The following ST6GALNAC3 variants were observed in gnomAD, a reference collection of about 807,000 sequenced individuals.
ST6GALNAC3 encodes the protein alpha-N-acetylgalactosaminide alpha-2,6-sialyltransferase 3.
Under a neutral mutation model 32.7 loss-of-function variants are expected in ST6GALNAC3, and 25 were observed. The ratio of observed to expected loss-of-function variants is 0.76; its 90% CI spans 0.56 to 1.07. The LOEUF is 1.07. Ranked by LOEUF, ST6GALNAC3 falls within the 50% of genes least tolerant of loss-of-function variation. The probability of loss-of-function intolerance (pLI) is 0.00; values close to 1 mark genes in which losing one functional copy is unlikely to be tolerated. For missense variants in ST6GALNAC3, 355 were observed against 382.4 expected, an observed-to-expected ratio of 0.93 and a Z score of 0.60; for synonymous variants, 129 against 133.1, an observed-to-expected ratio of 0.97 and a Z score of 0.21.
chr1:76,268,074 C>A (rs1464810408), intron 1 of ST6GALNAC3, among the ~76,000 whole-genome samples: 1 of 152,156 alleles, frequency 6.6e-6, no homozygotes, highest in Non-Finnish European at 1.5e-5. Context: ...GTAGTCCTAT[C>A]CCCATGGCTG....
chr1:76,184,519 G>GCA (rs71071992), intron 1 of ST6GALNAC3, among the ~76,000 whole-genome samples: 11,410 of 133,902 alleles, frequency 0.085, 573 homozygotes, highest in South Asian at 0.14. Flanking sequence ...CTCCTGGGCA[G>GCA]CACACACACA....
chr1:76,518,840 G>A (rs1177386703), intron 3 of ST6GALNAC3, among the ~76,000 whole-genome samples: 2 of 152,044 alleles, frequency 1.3e-5, no homozygotes, highest in Non-Finnish European at 2.9e-5. Context: ...CAAGGCGGGC[G>A]GATTACTGGA....
chr1:76,434,206 C>T (rs779766055), intron 3 of ST6GALNAC3, among the ~76,000 whole-genome samples: 1 of 152,136 alleles, frequency 6.6e-6, no homozygotes, highest in Non-Finnish European at 1.5e-5. Context: ...GAATCAAAGA[C>T]AGAGGTAATA....
At chr1:76,393,697 C>A (rs1469281829) in intron 2 of ST6GALNAC3, among the ~76,000 whole-genome samples, 1 of 152,056 alleles carries the variant, frequency 6.6e-6, no homozygotes, top group Non-Finnish European at 1.5e-5. Context: ...ACAATACAAG[C>A]AATAGAAAGG....
At chr1:76,321,709 T>G (rs12136894) in intron 2 of ST6GALNAC3, among the ~76,000 whole-genome samples, 2,139 of 152,322 alleles carry the variant, frequency 0.014, 16 homozygotes, top group Non-Finnish European at 0.022. Context: ...TCTGCTTAGG[T>G]GCATATTGCT....
At chr1:76,485,411 G>A (rs1660042603) in intron 3 of ST6GALNAC3, among the ~76,000 whole-genome samples, 1 of 152,118 alleles carries the variant, frequency 6.6e-6, no homozygotes, top group Non-Finnish European at 1.5e-5. Context: ...CCTGTTATTG[G>A]TCTATTCAGG....
chr1:76,429,684 A>G (rs922906863), intron 3 of ST6GALNAC3, among the ~76,000 whole-genome samples: 12 of 152,110 alleles, frequency 7.9e-5, no homozygotes, highest in Non-Finnish European at 1.5e-4. Context: ...AGGGTTTCCA[A>G]CTGCTCAGGT....
chr1:76,214,556 T>G (rs1204298823), intron 1 of ST6GALNAC3, among the ~76,000 whole-genome samples: 2 of 152,136 alleles, frequency 1.3e-5, no homozygotes, highest in South Asian at 4.1e-4. Flanking sequence ...CCACCAAGCA[T>G]TCACTAAAAT....
At chr1:76,233,752 T>C (rs1453838205) in intron 1 of ST6GALNAC3, among the ~76,000 whole-genome samples, 2 of 152,216 alleles carry the variant, frequency 1.3e-5, no homozygotes, top group Admixed American at 1.3e-4. Flanking sequence ...TTAAATAAAC[T>C]TAGGGGTACA....
intron 1 of ST6GALNAC3, among the ~76,000 whole-genome samples, chr1:76,091,792 A>G (rs1647050220): frequency 6.6e-6 from 1 of 152,210 alleles, no homozygotes; most frequent in South Asian, 2.1e-4. Context: ...CTAGGTATGT[A>G]GTAGGCTACA....
At chr1:76,392,703 T>C (rs1652658513) in intron 2 of ST6GALNAC3, among the ~76,000 whole-genome samples, 1 of 152,172 alleles carries the variant, frequency 6.6e-6, no homozygotes, top group South Asian at 2.1e-4. Flanking sequence ...TTGGTGGCAA[T>C]GTCATCCAAT....
intron 3 of ST6GALNAC3, among the ~76,000 whole-genome samples, chr1:76,483,080 T>C (rs111783844): frequency 0.029 from 4,342 of 152,222 alleles, 97 homozygotes; most frequent in Admixed American, 0.07. Context: ...CTGCATATTG[T>C]TCCATGGTGT....
chr1:76,235,082 G>A (rs191895648), intron 1 of ST6GALNAC3, among the ~76,000 whole-genome samples: 5 of 152,298 alleles, frequency 3.3e-5, no homozygotes, highest in South Asian at 2.1e-4. Flanking sequence ...CCAAGAGTCA[G>A]TCACTCAGCT....
At position 76,628,984 on chromosome 1, in the gene ST6GALNAC3, T is replaced by C. The variant is rs1649155202; in HGVS notation, c.*178T>C. ...CTAGTAATTTAAACTTGGCATTTCA[T>C]GGAGGATGGTTGTGCTCATGATGTT... On this transcript the variant is annotated 3_prime_UTR_variant, in exon 5 of 5. Transcript: ENST00000328299. 2.1e-6 allele frequency: 3 copies of C among 1,407,752 alleles called. No homozygotes were observed. The highest frequency in any genetic ancestry group is 2.8e-6 in the Non-Finnish European group (3 of 1,088,462). The allele number at this position is 1,407,752 out of a possible 1,614,324, so 87.2% of individuals were successfully genotyped here.
chr1:76,344,078 GT>G (rs1648291823), intron 2 of ST6GALNAC3, among the ~76,000 whole-genome samples: 1 of 152,204 alleles, frequency 6.6e-6, no homozygotes, highest in Non-Finnish European at 1.5e-5. Context: ...CAAATATGCA[GT>G]TGAGTTACAA....
chr1:76,319,233 A>T (rs1191989199), intron 2 of ST6GALNAC3, among the ~76,000 whole-genome samples: 1 of 152,088 alleles, frequency 6.6e-6, no homozygotes, highest in Non-Finnish European at 1.5e-5. Flanking sequence ...GGGTGCCTGA[A>T]ATGTGCCAAG....
intron 1 of ST6GALNAC3, among the ~76,000 whole-genome samples, chr1:76,100,130 T>C (rs888068800): frequency 2.7e-4 from 41 of 152,164 alleles, no homozygotes; most frequent in Non-Finnish European, 5.7e-4. Flanking sequence ...TATTGACTTA[T>C]TAATTTTATC....
intron 2 of ST6GALNAC3, among the ~76,000 whole-genome samples, chr1:76,377,561 A>G (rs1651337900): frequency 6.6e-6 from 1 of 152,134 alleles, no homozygotes; most frequent in East Asian, 1.9e-4. Flanking sequence ...TTTGCCTCCA[A>G]TAGTTAAATC....
intron 3 of ST6GALNAC3, among the ~76,000 whole-genome samples, chr1:76,548,884 T>C (rs773680192): frequency 6.6e-5 from 10 of 152,202 alleles, no homozygotes; most frequent in Non-Finnish European, 1.3e-4. Flanking sequence ...ATATCTTCCA[T>C]AGCTGGCTCT....
Sources: allele counts gnomAD v4.1 joint callset (sites outside exome capture counted in the v4.1 genomes callset), GRCh38; gene constraint gnomAD v4.1.1; transcripts MANE v1.5; gene names NCBI Gene and HGNC (gene_info 2026-07-23, HGNC 2026-07-21).